DDX19A: variants seen among roughly 807,000 people sequenced by gnomAD.
The protein encoded by DDX19A is DEAD-box helicase 19A.
A neutral mutation model predicts 60.6 loss-of-function variants in DDX19A; 12 were observed. That is an observed-to-expected ratio of 0.20 (90% confidence interval 0.13 to 0.32). The LOEUF (loss-of-function observed/expected upper bound fraction) is 0.32. DDX19A is among the 10% of genes least tolerant of loss of function. The probability of loss-of-function intolerance (pLI) is 1.00; values close to 1 mark genes in which losing one functional copy is unlikely to be tolerated. For missense variants in DDX19A, 337 were observed against 600.6 expected (o/e 0.56, Z 4.59); for synonymous variants, 206 against 218.2 (o/e 0.94, Z 0.49).
intron 1 of DDX19A, among the ~76,000 whole-genome samples, chr16:70,348,954 A>G (rs1306102807): frequency 1.3e-5 from 2 of 152,072 alleles, no homozygotes; most frequent in Non-Finnish European, 2.9e-5. Flanking sequence ...AAAAAAAGAA[A>G]AAAGGGAATG....
Position 70,370,351 on chromosome 16 carries a change from G to C in DDX19A, c.1149G>C (p.Glu383Asp). 6.2e-7 allele frequency: 1 copy of C among 1,614,010 alleles called. No homozygotes were observed. Among genetic ancestry groups the C allele is most frequent in the Non-Finnish European group, 8.5e-7 (1 of 1,179,972 alleles). The change falls in exon 10 of 12, where the codon GAG (glutamate) becomes GAC (aspartate). Residue 383 changes from glutamate (E) to aspartate (D), a missense_variant. Glu to Asp is a conservative substitution (Grantham distance 45). Coordinates refer to ENST00000302243, the MANE Select transcript of DDX19A (RefSeq NM_018332.5). ...AVIERFREGKEKVLVTTNVCA... is the reference protein window; with the variant it reads ...AVIERFREGKDKVLVTTNVCA... ...TTGAGCGCTTCCGAGAGGGCAAAGA[G>C]AAGGTTTTGGTGACCACCAACGTGT...
At chr16:70,358,140 C>A (rs972230989) in intron 4 of DDX19A, among the ~76,000 whole-genome samples, 1 of 152,190 alleles carries the variant, frequency 6.6e-6, no homozygotes, top group Admixed American at 6.6e-5. Flanking sequence ...AAGCGATTCT[C>A]GTTCCTCAGC....
chr16:70,373,021 T>G lies in DDX19A; in HGVS notation c.*1035T>G, dbSNP rs945930338. ...GCTGAGGCGGGCGGATCGGTTGAGC[T>G]CAGGCGTTCGGGACCAGCCTGGCCA... On this transcript the variant is annotated 3_prime_UTR_variant, in exon 12 of 12. Coordinates refer to ENST00000302243, the MANE Select transcript of DDX19A (RefSeq NM_018332.5). 2 of 151,820 alleles carry G rather than the reference T, an allele frequency of 1.3e-5. No homozygotes were observed. The highest frequency in any genetic ancestry group is 2.4e-5 in the African/African-American group (1 of 41,290). The allele number at this position is 151,820 out of a possible 1,614,324, so 9.4% of individuals were successfully genotyped here.
At chr16:70,367,195 G>A (rs1032888315) in intron 9 of DDX19A, among the ~76,000 whole-genome samples, 30 of 152,074 alleles carry the variant, frequency 2.0e-4, no homozygotes, top group African/African-American at 7.0e-4. Context: ...TTGGGAGGCC[G>A]AGATGGGTGG....
intron 2 of DDX19A, 152 bp downstream of exon 2, chr16:70,350,757 G>A (rs558386585): frequency 5.4e-4 from 295 of 542,986 alleles, no homozygotes; most frequent in Admixed American, 2.4e-3. Context: ...GGGATATGTC[G>A]ATTTTCCACA....
In DDX19A at chr16:70,373,228, G is replaced by T. The variant is rs538250527; in HGVS notation, c.*1242G>T. 1.3e-5 allele frequency: 2 copies of T among 152,220 alleles called. No homozygotes were observed. Among genetic ancestry groups the T allele is most frequent in the African/African-American group, 4.8e-5 (2 of 41,512 alleles). 9.4% of individuals were successfully genotyped at this position (152,220 alleles called of 1,614,324 possible). On this transcript the variant is annotated 3_prime_UTR_variant, in exon 12 of 12. Coordinates refer to ENST00000302243, the MANE Select transcript of DDX19A (RefSeq NM_018332.5). Reference sequence around the variant, plus strand: ...AGCCTGGGTAACAGAGCGAGACCCCGACTCAATAAATAAATAAGGATGGAT... The same window carrying T: ...AGCCTGGGTAACAGAGCGAGACCCCTACTCAATAAATAAATAAGGATGGAT...
chr16:70,366,888 T>C (rs1597539590), intron 9 of DDX19A, 27 bp downstream of exon 9: 5 of 1,613,452 alleles, frequency 3.1e-6, no homozygotes, highest in South Asian at 1.1e-5. Flanking sequence ...GTGGCAGGCC[T>C]GGCCCCTCCC....
rs1198788057 is a variant in DDX19A at position 70,370,401 on chromosome 16, G to A, written c.1183+16G>A. 2 of 1,602,574 alleles carry A rather than the reference G, an allele frequency of 1.2e-6. No individual in the cohort carries two copies. Among genetic ancestry groups the A allele is most frequent in the South Asian group, 1.1e-5 (1 of 90,286 alleles). On this transcript the variant is annotated intron_variant, in intron 10 of 11. Transcript: ENST00000302243. The stretch of plus-strand genomic sequence containing the variant: ...TGTGCCCGCGGTGAGCAGAGGACGT[G>A]TCCCACCTGGTCTGCCAGGCTCGGG...
intron 9 of DDX19A, among the ~76,000 whole-genome samples, chr16:70,369,720 G>C (rs958988678): frequency 6.7e-6 from 1 of 149,730 alleles, no homozygotes; most frequent in African/African-American, 2.5e-5. Context: ...AGGTTTAAGC[G>C]ATTCTCCTGC....
chr16:70,347,214 A>G (rs74026010), intron 1 of DDX19A, 166 bp downstream of exon 1: 16 of 660,648 alleles, frequency 2.4e-5, no homozygotes, highest in African/African-American at 9.0e-5. Flanking sequence ...AAAGAGACCA[A>G]TGTCGAGCTT....
chr16:70,365,814 G>C, intron 7 of DDX19A: 1 of 531,284 alleles, frequency 1.9e-6, no homozygotes, highest in East Asian at 3.4e-5. Flanking sequence ...AAAAGAGTTG[G>C]ATGATGTTGG....
intron 1 of DDX19A, 133 bp from the exon 2 acceptor site, chr16:70,350,424 G>A (rs1029096422): frequency 7.0e-6 from 4 of 567,930 alleles, no homozygotes; most frequent in Admixed American, 3.4e-5. Context: ...TACTTTGAGG[G>A]AACAAACCGA....
intron 10 of DDX19A, chr16:70,370,949 C>G (rs113376908): frequency 3.8e-6 from 1 of 260,662 alleles, no homozygotes; most frequent in Non-Finnish European, 7.4e-6. Context: ...TGAGTGAGAT[C>G]GCGCCATTGC....
chr16:70,366,288 C>T (rs1407905250), intron 8 of DDX19A, 26 bp downstream of exon 8: 5 of 1,613,508 alleles, frequency 3.1e-6, no homozygotes, highest in East Asian at 2.2e-5. Context: ...GTGGGGGACT[C>T]CTCAGACTCC....
Position 70,357,366 on chromosome 16 carries a change from G to GTT in DDX19A, c.293+1154_293+1155dup, listed in dbSNP as rs71151183. ...AATCTGTCAAATCTGTTTTTGGTTT[G>GTT]TTTTTTTTTTTTTTTTTTTTTTTTT... On this transcript the variant is annotated intron_variant, in intron 4 of 11. Coordinates refer to ENST00000302243, the MANE Select transcript of DDX19A (RefSeq NM_018332.5). 1.5e-3 allele frequency among the ~76,000 whole-genome samples: 68 copies of GTT among 44,572 alleles called. 22 individuals are homozygous for GTT. Among genetic ancestry groups the GTT allele is most frequent in the East Asian group, 0.01 (14 of 1,368 alleles). The allele number at this position is 44,572 out of a possible 152,430, so 29.2% of individuals were successfully genotyped here. A position where few individuals can be genotyped will look rare whatever the true frequency, so the allele number is the denominator to read the frequency against.
chr16:70,355,917 G>C (rs1050481903), intron 3 of DDX19A, 195 bp from the exon 4 acceptor site: 3 of 683,434 alleles, frequency 4.4e-6, no homozygotes, highest in Non-Finnish European at 7.2e-6. Context: ...AGCTCTGATT[G>C]CTCCACTGCA....
intron 4 of DDX19A, among the ~76,000 whole-genome samples, chr16:70,357,366 G>GGTTTT (rs1964236412): frequency 2.2e-5 from 1 of 44,596 alleles, no homozygotes; most frequent in Non-Finnish European, 4.1e-5. Context: ...TTTTTGGTTT[G>GGTTTT]TTTTTTTTTT....
chr16:70,369,163 G>A (rs760979795), intron 9 of DDX19A, among the ~76,000 whole-genome samples: 39 of 145,750 alleles, frequency 2.7e-4, no homozygotes, highest in Middle Eastern at 7.1e-3. Flanking sequence ...CACCGTGCCC[G>A]GCCAATCTGG....
intron 2 of DDX19A, among the ~76,000 whole-genome samples, chr16:70,354,694 G>A (rs193249816): frequency 3.7e-4 from 56 of 152,272 alleles, no homozygotes; most frequent in Admixed American, 9.2e-4. Context: ...AGTAATCCTA[G>A]TGCTTTGGGA....
Sources: gnomAD v4.1 joint callset for allele counts (sites outside exome capture counted in the v4.1 genomes callset) on GRCh38, gnomAD v4.1.1 for gene constraint, MANE v1.5 for transcripts, NCBI Gene and HGNC (gene_info 2026-07-23, HGNC 2026-07-21) for gene names.